SFI1: variants seen among roughly 807,000 people sequenced by gnomAD.
The protein encoded by SFI1 is protein SFI1 homolog.
Under a neutral mutation model 207.5 loss-of-function variants are expected in SFI1, and 195 were observed. The observed-to-expected ratio is 0.94, with a 90% CI of 0.84 to 1.06. The LOEUF is 1.06. Among genes scored for constraint, SFI1 ranks in the 50% least tolerant of loss-of-function variants. The pLI is 0.00. For synonymous variants in SFI1, 630 were observed against 598.9 expected (o/e 1.05, Z -0.76); for missense variants, 1,634 against 1,588.0 (o/e 1.03, Z -0.49).
chr22:31,530,565 C>G (rs561442549), intron 3 of SFI1: 3 of 463,060 alleles, frequency 6.5e-6, no homozygotes, highest in African/African-American at 6.2e-5. Context: ...ACTGGAGGTA[C>G]TATAAAGCAC....
intron 1 of SFI1, 53 bp from the exon 2 acceptor site, chr22:31,508,202 T>G (rs983768468): frequency 1.0e-4 from 107 of 1,025,662 alleles, no homozygotes; most frequent in Non-Finnish European, 2.0e-5. Flanking sequence ...GAAATGTGGC[T>G]CCTGAGAGGC....
chr22:31,531,051 CT>C lies in SFI1; in HGVS notation c.267-4del. 1.2e-6 allele frequency: 2 copies of C among 1,604,764 alleles called. No individual in the cohort carries two copies. The highest frequency in any genetic ancestry group is 1.7e-6 in the Non-Finnish European group (2 of 1,177,238). On this transcript the variant is annotated splice_polypyrimidine_tract_variant and splice_region_variant and intron_variant, in intron 3 of 32. Coordinates refer to ENST00000400288, the MANE Select transcript of SFI1 (RefSeq NM_001007467.3). Reference sequence around the variant, plus strand: ...AAATATGTATATGCTTTTTTTCCTTCTTTCAGATGCGTGGCCAGAAAGTTCT... The same window carrying C: ...AAATATGTATATGCTTTTTTTCCTTCTTCAGATGCGTGGCCAGAAAGTTCT...
At chr22:31,533,899 T>G (rs924143384) in intron 4 of SFI1, among the ~76,000 whole-genome samples, 5 of 152,228 alleles carry the variant, frequency 3.3e-5, no homozygotes, top group Non-Finnish European at 7.3e-5. Flanking sequence ...AGTTATATTC[T>G]GTTTTACTCT....
intron 7 of SFI1, among the ~76,000 whole-genome samples, chr22:31,560,714 T>C (rs1335622631): frequency 6.7e-6 from 1 of 150,116 alleles, no homozygotes; most frequent in African/African-American, 2.5e-5. Context: ...TTTTTTTTTT[T>C]TTCCCGAGAT....
At chr22:31,591,018 G>A (rs1387926716) in intron 15 of SFI1, among the ~76,000 whole-genome samples, 5 of 150,062 alleles carry the variant, frequency 3.3e-5, no homozygotes, top group Non-Finnish European at 5.9e-5. Context: ...CTCACAGAGG[G>A]GGATTTGGCA....
intron 6 of SFI1, among the ~76,000 whole-genome samples, chr22:31,552,222 A>G (rs1048387801): frequency 9.3e-5 from 14 of 151,144 alleles, no homozygotes; most frequent in Non-Finnish European, 7.4e-5. Context: ...ATTCTTTTTT[A>G]TGGCTGGGTG....
At chr22:31,598,209 T>A (rs1386425160) in intron 15 of SFI1, among the ~76,000 whole-genome samples, 2 of 151,892 alleles carry the variant, frequency 1.3e-5, no homozygotes, top group African/African-American at 4.8e-5. Context: ...ATGGTCTGGA[T>A]CTCCTGACCT....
chr22:31,535,391 T>G (rs770823615), intron 4 of SFI1, among the ~76,000 whole-genome samples: 1 of 151,924 alleles, frequency 6.6e-6, no homozygotes, highest in Non-Finnish European at 1.5e-5. Context: ...CATTTCACCA[T>G]GTTGATCAGG....
chr22:31,612,461 A>C (rs1371236176), intron 24 of SFI1: 1 of 147,096 alleles, frequency 6.8e-6, no homozygotes, highest in Non-Finnish European at 1.5e-5. Flanking sequence ...TCACGCCTAT[A>C]ATCCCAGGAT....
chr22:31,508,523 T>C, intron 2 of SFI1, 147 bp downstream of exon 2: 2 of 603,904 alleles, frequency 3.3e-6, no homozygotes, highest in South Asian at 2.1e-5. Context: ...AAATTTTTCA[T>C]CTATAAGATA....
chr22:31,614,775 ATG>A lies in SFI1; in HGVS notation c.2997-12_2997-11del. 1 of 1,613,456 alleles carries A rather than the reference ATG, an allele frequency of 6.2e-7. No individual in the cohort carries two copies. The highest frequency in any genetic ancestry group is 8.5e-7 in the Non-Finnish European group (1 of 1,179,878). On this transcript the variant is annotated splice_polypyrimidine_tract_variant and intron_variant, in intron 27 of 32. Transcript: ENST00000400288. ...TGGTCAGCCCAGGGGAACAGACCCC[ATG>A]TTTCTTTCCAGCAACACTGCCCACT...
chr22:31,516,958 T>C (rs139645304), intron 2 of SFI1, among the ~76,000 whole-genome samples: 1 of 149,066 alleles, frequency 6.7e-6, no homozygotes, highest in Non-Finnish European at 1.5e-5. Flanking sequence ...CAGTCTCAAA[T>C]AAACAAACAA....
At chr22:31,522,064 C>CT (rs752422385) in intron 2 of SFI1, among the ~76,000 whole-genome samples, 42,581 of 76,452 alleles carry the variant, frequency 0.56, 14,230 homozygotes, top group Non-Finnish European at 0.61. Flanking sequence ...TACACCTGGC[C>CT]TTTTTTTTTT....
intron 7 of SFI1, among the ~76,000 whole-genome samples, chr22:31,560,947 C>T (rs1436704421): frequency 6.6e-6 from 1 of 152,128 alleles, no homozygotes; most frequent in African/African-American, 2.4e-5. Context: ...AGGTAATCCA[C>T]TCTCCTCGGC....
intron 2 of SFI1, among the ~76,000 whole-genome samples, chr22:31,519,316 G>A (rs1044639725): frequency 2.7e-5 from 4 of 150,884 alleles, no homozygotes; most frequent in African/African-American, 9.8e-5. Flanking sequence ...TGTCGCTCAG[G>A]CTGGTGTGCA....
intron 5 of SFI1, among the ~76,000 whole-genome samples, chr22:31,549,143 C>T (rs1239095278): frequency 6.6e-6 from 1 of 151,618 alleles, no homozygotes; most frequent in Non-Finnish European, 1.5e-5. Context: ...CAAAAATTAG[C>T]CAGGAGTGGT....
intron 4 of SFI1, among the ~76,000 whole-genome samples, chr22:31,543,368 A>G (rs2059757317): frequency 6.6e-6 from 1 of 152,150 alleles, no homozygotes. Context: ...TGCTTCATTC[A>G]TAGAAAATGA....
chr22:31,604,374 C>T lies in SFI1; in HGVS notation c.1947C>T (p.Ser649=), dbSNP rs559858464. The T allele has an allele frequency of 1.2e-4, 187 of 1,570,710 alleles. No individual in the cohort carries two copies. The highest frequency in any genetic ancestry group is 8.9e-4 in the South Asian group (76 of 85,762). ...LMRADLHHQH[S]VLHRALQAWV... ...GAGCAGACCTGCACCACCAGCACAG[C>T]GTGCTGCACAGGGCGCTGCAGGCAT... Residue 649 remains serine, a synonymous_variant, in exon 19 of 33, where the codon AGC becomes AGT. Coordinates refer to ENST00000400288, the MANE Select transcript of SFI1 (RefSeq NM_001007467.3).
At chr22:31,589,062 C>G (rs1267092591) in intron 14 of SFI1, among the ~76,000 whole-genome samples, 1 of 152,026 alleles carries the variant, frequency 6.6e-6, no homozygotes, top group East Asian at 1.9e-4. Flanking sequence ...AGATTTATAA[C>G]ACATGACAAA....
Sources: gnomAD v4.1 joint callset for allele counts (sites outside exome capture counted in the v4.1 genomes callset) on GRCh38, gnomAD v4.1.1 for gene constraint, MANE v1.5 for transcripts, NCBI Gene and HGNC (gene_info 2026-07-23, HGNC 2026-07-21) for gene names.